The following ATAD5 variants were observed in gnomAD, a reference collection of about 807,000 sequenced individuals.
The protein encoded by ATAD5 is ATPase family AAA domain-containing protein 5.
In ATAD5, 58 loss-of-function variants were observed where a neutral mutation model predicts 176.9. The observed-to-expected ratio is 0.33, with a 90% CI of 0.27 to 0.41. ATAD5 has a LOEUF of 0.41. Ranked by LOEUF, ATAD5 falls within the 10% of genes least tolerant of loss-of-function variation. ATAD5 has a pLI of 1.00. For missense variants in ATAD5, 1,789 were observed against 2,094.1 expected, an observed-to-expected ratio of 0.85 and a Z score of 2.84; for synonymous variants, 640 against 712.6, an observed-to-expected ratio of 0.90 and a Z score of 1.62.
intron 17 of ATAD5, 58 bp downstream of exon 17, chr17:30,878,154 C>T: frequency 9.0e-7 from 1 of 1,109,052 alleles, no homozygotes; most frequent in Non-Finnish European, 1.3e-6. Context: ...AGTTCATCTG[C>T]AGACTGGAGT....
intron 6 of ATAD5, among the ~76,000 whole-genome samples, chr17:30,847,075 T>A (rs1906553848): frequency 1.3e-5 from 2 of 152,058 alleles, no homozygotes; most frequent in Non-Finnish European, 2.9e-5. Flanking sequence ...AATAAAAATA[T>A]AGAACATTTT....
intron 10 of ATAD5, among the ~76,000 whole-genome samples, chr17:30,863,430 G>A (rs1443210174): frequency 3.3e-5 from 5 of 151,124 alleles, no homozygotes; most frequent in Admixed American, 1.3e-4. Context: ...GCAGTGGCGC[G>A]ATCTCGGCTC....
intron 11 of ATAD5, 139 bp downstream of exon 11, chr17:30,865,939 C>G: frequency 2.0e-6 from 1 of 507,280 alleles, no homozygotes; most frequent in Non-Finnish European, 3.3e-6. Context: ...TGAAAAGTAG[C>G]CCTCTTTTCT....
In ATAD5 at chr17:30,887,366, C is replaced by A; in HGVS notation, c.4252C>A (p.Leu1418Ile). The change falls in exon 19 of 23, where the codon CTT becomes ATT. Residue 1418 changes from leucine to isoleucine, a missense_variant. Physicochemically the swap from Leu to Ile is conservative, Grantham distance 5. Coordinates refer to ENST00000321990, the MANE Select transcript of ATAD5 (RefSeq NM_024857.5). ...AGTTTTAGAAGAACGACCATTAACCCTTTATCGTAAGTTGATTTGTTATTA... is the reference window on the plus strand; with the variant it reads ...AGTTTTAGAAGAACGACCATTAACCATTTATCGTAAGTTGATTTGTTATTA... ...GGVLEERPLT[L>I]YRGNSRNVQL... 1.3e-6 allele frequency: 2 copies of A among 1,594,782 alleles called. No homozygotes were observed. The highest frequency in any genetic ancestry group is 1.7e-6 in the Non-Finnish European group (2 of 1,173,970).
At chr17:30,850,899 T>G (rs150572566) in intron 6 of ATAD5, among the ~76,000 whole-genome samples, 3,027 of 59,640 alleles carry the variant, frequency 0.051, 27 homozygotes, top group Non-Finnish European at 0.064. Flanking sequence ...TTTTTTTTTT[T>G]TTTGAGATAG....
intron 5 of ATAD5, among the ~76,000 whole-genome samples, chr17:30,844,624 C>T (rs1228898196): frequency 1.4e-5 from 2 of 147,774 alleles, no homozygotes; most frequent in African/African-American, 2.5e-5. Context: ...GGTAGGTACC[C>T]GTAGTTCCAG....
intron 7 of ATAD5, among the ~76,000 whole-genome samples, chr17:30,856,347 C>G (rs550707505): frequency 2.0e-5 from 3 of 152,336 alleles, no homozygotes. Flanking sequence ...CTCGCCAGTG[C>G]TCACAAGGTT....
chr17:30,877,579 A>C, intron 16 of ATAD5, 30 bp downstream of exon 16: 1 of 1,576,838 alleles, frequency 6.3e-7, no homozygotes, highest in Non-Finnish European at 8.6e-7. Flanking sequence ...CATTTGTGAG[A>C]GCTCATGATA....
At chr17:30,832,436 T>C in intron 1 of ATAD5, 23 bp downstream of exon 1, 2 of 1,529,516 alleles carry the variant, frequency 1.3e-6, no homozygotes, top group Non-Finnish European at 8.8e-7. Flanking sequence ...CGAGGATCTG[T>C]TGAGTTCCTT....
intron 11 of ATAD5, among the ~76,000 whole-genome samples, chr17:30,866,668 A>G (rs1457078809): frequency 6.6e-6 from 1 of 151,984 alleles, no homozygotes; most frequent in Non-Finnish European, 1.5e-5. Context: ...TACAAAAATT[A>G]GCTGGGTGTG....
chr17:30,834,213 A>T lies in ATAD5; in HGVS notation c.132A>T (p.Ser44=). Residue 44 remains serine (S), a synonymous_variant, in exon 2 of 23, where the codon TCA becomes TCT. Coordinates refer to ENST00000321990, the MANE Select transcript of ATAD5 (RefSeq NM_024857.5). Reference sequence around the variant, plus strand: ...GCAAAACAATTACAAAATATTTATCACCACTAGGGAAGACTAGAGACAGGG... The same window carrying T: ...GCAAAACAATTACAAAATATTTATCTCCACTAGGGAAGACTAGAGACAGGG... ...STCKTITKYL[S]PLGKTRDRVF... is the part of the protein sequence containing the mutation. 1 of 1,595,278 alleles carries T rather than the reference A, an allele frequency of 6.3e-7. No individual in the cohort carries two copies. The highest frequency in any genetic ancestry group is 8.5e-7 in the Non-Finnish European group (1 of 1,174,564).
rs769509747 is a variant in ATAD5, at chr17:30,835,774, A to C, written c.1693A>C (p.Thr565Pro). Residue 565 changes from threonine to proline, a missense_variant, in exon 2 of 23, where the codon ACC becomes CCC. Coordinates refer to ENST00000321990, the MANE Select transcript of ATAD5 (RefSeq NM_024857.5). ...LCNNNKLSRK[T>P]SIPVKDIKLT... Reference sequence around the variant, plus strand: ...TAACAATAATAAATTGTCAAGAAAAACCAGCATACCAGTTAAAGATATTAA... The same window carrying C: ...TAACAATAATAAATTGTCAAGAAAACCCAGCATACCAGTTAAAGATATTAA... 7 of 1,613,548 alleles carry C rather than the reference A, an allele frequency of 4.3e-6. No homozygotes were observed. Among genetic ancestry groups the C allele is most frequent in the Non-Finnish European group, 5.9e-6 (7 of 1,179,888 alleles).
intron 6 of ATAD5, among the ~76,000 whole-genome samples, chr17:30,850,868 TA>T (rs1429575077): frequency 1.2e-4 from 4 of 33,920 alleles, no homozygotes; most frequent in East Asian, 1.4e-3. Flanking sequence ...TATATATATA[TA>T]TTTTTTTTTT....
In ATAD5 at chr17:30,888,973, T is replaced by C. The variant is rs191680408; in HGVS notation, c.4258+1601T>C. Reference sequence around the variant, plus strand: ...TACTCGGGAGGCTGAGGCAGGAGAATTGCTTGAACCCAGGAGGCGGAGGCT... The same window carrying C: ...TACTCGGGAGGCTGAGGCAGGAGAACTGCTTGAACCCAGGAGGCGGAGGCT... On this transcript the variant is annotated intron_variant, in intron 19 of 22. Transcript: ENST00000321990. 8.8e-3 allele frequency among the ~76,000 whole-genome samples: 1,334 copies of C among 151,226 alleles called. 7 individuals carry two copies. The highest frequency in any genetic ancestry group is 0.014 in the Non-Finnish European group (966 of 67,808).
At chr17:30,881,388 C>T (rs1475007580) in intron 18 of ATAD5, among the ~76,000 whole-genome samples, 6 of 152,198 alleles carry the variant, frequency 3.9e-5, no homozygotes, top group Admixed American at 3.3e-4. Context: ...CAACCTCCAA[C>T]TCCTGGGTTC....
At chr17:30,874,314 G>A (rs1908525141) in intron 14 of ATAD5, among the ~76,000 whole-genome samples, 3 of 151,520 alleles carry the variant, frequency 2.0e-5, no homozygotes, top group Admixed American at 2.0e-4. Flanking sequence ...AGGCTGAGGT[G>A]GGCGGATCAC....
At chr17:30,859,718 T>TGGTGTTTTCATGGC (rs1555556118) in intron 9 of ATAD5, among the ~76,000 whole-genome samples, 80 of 143,190 alleles carry the variant, frequency 5.6e-4, no homozygotes, top group South Asian at 2.2e-3. Context: ...TAGAATACAG[T>TGGTGTTTTCATGGC]TTGTTTGTTT....
At chr17:30,890,682 A>C (rs1226377146) in intron 19 of ATAD5, among the ~76,000 whole-genome samples, 1 of 151,708 alleles carries the variant, frequency 6.6e-6, no homozygotes, top group Non-Finnish European at 1.5e-5. Context: ...CAGCCTCCCA[A>C]AGTGCTGGGA....
At chr17:30,857,176 T>C (rs980705456) in intron 8 of ATAD5, 64 bp downstream of exon 8, 2 of 1,515,546 alleles carry the variant, frequency 1.3e-6, no homozygotes, top group African/African-American at 1.4e-5. Context: ...GGAAAAACAT[T>C]TTTGGATATC....
Sources: gnomAD v4.1 joint callset for allele counts (sites outside exome capture counted in the v4.1 genomes callset) on GRCh38, gnomAD v4.1.1 for gene constraint, MANE v1.5 for transcripts, NCBI Gene and HGNC (gene_info 2026-07-23, HGNC 2026-07-21) for gene names.